The following PTPRD variants were observed in gnomAD, a reference collection of about 807,000 sequenced individuals.
PTPRD encodes protein tyrosine phosphatase receptor type D.
PTPRD carries 34 observed loss-of-function variants against 214.5 expected under a neutral mutation model. The observed-to-expected ratio is 0.16, with a 90% CI of 0.12 to 0.21. The LOEUF (loss-of-function observed/expected upper bound fraction) is 0.21. Ranked by LOEUF, PTPRD falls within the 10% of genes least tolerant of loss-of-function variation. PTPRD has a pLI of 1.00. For synonymous variants in PTPRD, 1,128 were observed against 845.7 expected, an observed-to-expected ratio of 1.33 and a Z score of -5.79; for missense variants, 2,545 against 2,398.7, an observed-to-expected ratio of 1.06 and a Z score of -1.27.
intron 12 of PTPRD, among the ~76,000 whole-genome samples, chr9:8,654,604 G>C (rs932485873): frequency 6.6e-6 from 1 of 152,040 alleles, no homozygotes; most frequent in East Asian, 1.9e-4. Context: ...GTGTAAAAAA[G>C]ATACATACAA....
intron 3 of PTPRD, among the ~76,000 whole-genome samples, chr9:10,338,915 C>T (rs73402218): frequency 9.3e-5 from 14 of 150,738 alleles, no homozygotes; most frequent in African/African-American, 2.9e-4. Flanking sequence ...CTAAAGAGGA[C>T]CTGGGGTCAT....
At chr9:10,440,282 A>G (rs1465433598) in intron 2 of PTPRD, among the ~76,000 whole-genome samples, 1 of 151,804 alleles carries the variant, frequency 6.6e-6, no homozygotes, top group East Asian at 1.9e-4. Flanking sequence ...TAAGATTGCA[A>G]AAAGTTTATT....
At chr9:9,806,318 T>C (rs2099072845) in intron 5 of PTPRD, among the ~76,000 whole-genome samples, 1 of 152,074 alleles carries the variant, frequency 6.6e-6, no homozygotes, top group Non-Finnish European at 1.5e-5. Flanking sequence ...CACGTGAAGC[T>C]GGTGGTGATT....
intron 5 of PTPRD, among the ~76,000 whole-genome samples, chr9:9,934,640 C>T (rs1423810878): frequency 6.7e-6 from 1 of 149,802 alleles, no homozygotes. Flanking sequence ...TGAATTCTCG[C>T]AGAGGTACAA....
intron 7 of PTPRD, among the ~76,000 whole-genome samples, chr9:9,576,839 T>C (rs2089020570): frequency 6.6e-6 from 1 of 152,186 alleles, no homozygotes; most frequent in Non-Finnish European, 1.5e-5. Context: ...AGATTACTCC[T>C]GCAGGCACTG....
chr9:9,881,282 C>T (rs926415275), intron 5 of PTPRD, among the ~76,000 whole-genome samples: 4 of 152,090 alleles, frequency 2.6e-5, no homozygotes, highest in Admixed American at 2.0e-4. Flanking sequence ...TACAACTTGA[C>T]TATCAGCTAT....
intron 7 of PTPRD, among the ~76,000 whole-genome samples, chr9:9,718,307 T>C (rs577775166): frequency 6.6e-6 from 1 of 152,212 alleles, no homozygotes; most frequent in South Asian, 2.1e-4. Context: ...CTATATGAAA[T>C]TGTATGCATT....
At chr9:10,009,733 A>G (rs1188778857) in intron 4 of PTPRD, among the ~76,000 whole-genome samples, 1 of 152,008 alleles carries the variant, frequency 6.6e-6, no homozygotes, top group Non-Finnish European at 1.5e-5. Flanking sequence ...CGCAAAGGAC[A>G]GCTTTGCAGG....
At chr9:8,811,923 C>CT (rs2096815345) in intron 11 of PTPRD, among the ~76,000 whole-genome samples, 1 of 152,074 alleles carries the variant, frequency 6.6e-6, no homozygotes, top group African/African-American at 2.4e-5. Flanking sequence ...GGACTTGAGG[C>CT]TTGTGAGGCC....
chr9:8,978,463 G>A (rs1396417365), intron 11 of PTPRD, among the ~76,000 whole-genome samples: 1 of 152,120 alleles, frequency 6.6e-6, no homozygotes, highest in Non-Finnish European at 1.5e-5. Context: ...CTATGAGGAA[G>A]ATTTAGGTAC....
At chr9:9,700,878 C>G (rs1168921948) in intron 7 of PTPRD, among the ~76,000 whole-genome samples, 1 of 152,020 alleles carries the variant, frequency 6.6e-6, no homozygotes, top group Non-Finnish European at 1.5e-5. Flanking sequence ...CATCAAATAA[C>G]TGACAATCTA....
chr9:8,335,149 G>C (rs948108398), intron 43 of PTPRD, among the ~76,000 whole-genome samples: 3 of 151,900 alleles, frequency 2.0e-5, no homozygotes, highest in African/African-American at 7.3e-5. Context: ...CTCATTTTAT[G>C]AGGCCAGCAT....
chr9:9,727,919 T>A (rs2098121352), intron 7 of PTPRD, among the ~76,000 whole-genome samples: 1 of 152,166 alleles, frequency 6.6e-6, no homozygotes, highest in Non-Finnish European at 1.5e-5. Context: ...CTGATATGAT[T>A]TGGCTGTGTT....
intron 3 of PTPRD, among the ~76,000 whole-genome samples, chr9:10,154,632 C>T (rs1273728227): frequency 2.0e-5 from 3 of 151,472 alleles, no homozygotes; most frequent in East Asian, 3.9e-4. Context: ...CTTGAATTGA[C>T]TTTTCTATAT....
chr9:8,925,714 A>C (rs1052430293), intron 11 of PTPRD, among the ~76,000 whole-genome samples: 3 of 151,386 alleles, frequency 2.0e-5, no homozygotes, highest in African/African-American at 7.3e-5. Flanking sequence ...CCACACCTCT[A>C]GGCACCGAGT....
chr9:10,015,482 C>A (rs1416649340), intron 4 of PTPRD, among the ~76,000 whole-genome samples: 1 of 152,052 alleles, frequency 6.6e-6, no homozygotes, highest in Non-Finnish European at 1.5e-5. Context: ...GGTGAAGTTG[C>A]AATCAACTGA....
At chr9:8,949,641 G>T (rs1439321770) in intron 11 of PTPRD, among the ~76,000 whole-genome samples, 1 of 152,026 alleles carries the variant, frequency 6.6e-6, no homozygotes, top group Non-Finnish European at 1.5e-5. Flanking sequence ...CAAGAGGTTT[G>T]GTTCTCATTA....
rs368736047 is a variant in PTPRD, at chr9:8,877,204, C to T, written c.-104+141493G>A. ...CCTCCCAAAATGCTGGGATTAAAGG[C>T]GTGAACCACCGCGCCCAGCCTGTTT... On this transcript the variant is annotated intron_variant, in intron 11 of 45. Coordinates refer to ENST00000381196, the MANE Select transcript of PTPRD (RefSeq NM_002839.4). 8.5e-5 allele frequency among the ~76,000 whole-genome samples: 13 copies of T among 152,240 alleles called. No homozygotes were observed. The East Asian group carries it at 1.5e-3, about 18-fold the overall frequency.
At chr9:10,470,837 T>C in intron 2 of PTPRD, among the ~76,000 whole-genome samples, 1 of 152,004 alleles carries the variant, frequency 6.6e-6, no homozygotes, top group East Asian at 1.9e-4. Flanking sequence ...AGAAGAAAGA[T>C]ATGAAATAAA....
Sources: gnomAD v4.1 joint callset for allele counts (sites outside exome capture counted in the v4.1 genomes callset) on GRCh38, gnomAD v4.1.1 for gene constraint, MANE v1.5 for transcripts, NCBI Gene and HGNC (gene_info 2026-07-23, HGNC 2026-07-21) for gene names.